The following DLC1 variants were observed in gnomAD, a reference collection of about 807,000 sequenced individuals.
The protein encoded by DLC1 is DLC1 Rho GTPase activating protein.
Under a neutral mutation model 140.3 loss-of-function variants are expected in DLC1, and 54 were observed. The observed-to-expected ratio is 0.38, with a 90% confidence interval of 0.31 to 0.48. DLC1 has a LOEUF of 0.48. Ranked by LOEUF, DLC1 falls within the 20% of genes least tolerant of loss-of-function variation. The pLI, the probability that DLC1 is intolerant of heterozygous loss-of-function variation, is 0.96. For missense variants in DLC1, 2,536 were observed against 1,907.0 expected, an observed-to-expected ratio of 1.33 and a Z score of -6.14; for synonymous variants, 986 against 728.1, an observed-to-expected ratio of 1.35 and a Z score of -5.70.
At chr8:13,192,049 C>A (rs148670926) in intron 5 of DLC1, among the ~76,000 whole-genome samples, 3,246 of 151,864 alleles carry the variant, frequency 0.021, 116 homozygotes, top group African/African-American at 0.075. Context: ...TCCAGAGGTT[C>A]TCCTGCCTCA....
intron 1 of DLC1, among the ~76,000 whole-genome samples, chr8:13,568,892 A>C (rs12546707): frequency 0.068 from 10,361 of 152,274 alleles, 575 homozygotes; most frequent in Admixed American, 0.17. Flanking sequence ...GGAAAAATGT[A>C]AGTAAATAAT....
At chr8:13,601,247 T>G (rs1192998904) in intron 1 of DLC1, among the ~76,000 whole-genome samples, 1 of 151,874 alleles carries the variant, frequency 6.6e-6, no homozygotes, top group East Asian at 1.9e-4. Context: ...TGTGATATTT[T>G]AGTTTCCATA....
intron 5 of DLC1, among the ~76,000 whole-genome samples, chr8:13,158,746 CCG>C (rs199655902): frequency 0.017 from 1,672 of 96,586 alleles, 160 homozygotes; most frequent in African/African-American, 0.075. Flanking sequence ...CCCCCCCCCC[CCG>C]CCCGCCACAC....
chr8:13,420,056 G>C (rs1420362854), intron 2 of DLC1, among the ~76,000 whole-genome samples: 1 of 152,094 alleles, frequency 6.6e-6, no homozygotes, highest in African/African-American at 2.4e-5. Flanking sequence ...GATCGGTGGT[G>C]ATATCCCCTT....
At chr8:13,197,060 A>G (rs1251007897) in intron 5 of DLC1, among the ~76,000 whole-genome samples, 1 of 152,152 alleles carries the variant, frequency 6.6e-6, no homozygotes, top group Non-Finnish European at 1.5e-5. Context: ...GAGAACCTAT[A>G]TTGCTTCCTG....
intron 1 of DLC1, chr8:13,559,036 G>A (rs1453586669): frequency 6.6e-6 from 1 of 152,198 alleles, no homozygotes; most frequent in East Asian, 1.9e-4. Context: ...TAACAACTTT[G>A]GTGCATGAAA....
intron 2 of DLC1, among the ~76,000 whole-genome samples, chr8:13,420,342 G>A (rs1158211067): frequency 6.6e-6 from 1 of 152,034 alleles, no homozygotes; most frequent in Non-Finnish European, 1.5e-5. Context: ...GAGGAAATTG[G>A]TAGAGACTTA....
chr8:13,415,150 C>T (rs747386504), intron 2 of DLC1, among the ~76,000 whole-genome samples: 12 of 151,654 alleles, frequency 7.9e-5, no homozygotes, highest in African/African-American at 1.9e-4. Flanking sequence ...GCAACTAGTG[C>T]CATACAATGT....
intron 2 of DLC1, among the ~76,000 whole-genome samples, chr8:13,419,872 T>G (rs2117339407): frequency 2.0e-5 from 3 of 152,322 alleles, no homozygotes; most frequent in African/African-American, 7.2e-5. Flanking sequence ...AAGCTATTGA[T>G]TATTGCCACA....
intron 2 of DLC1, among the ~76,000 whole-genome samples, chr8:13,440,780 A>G (rs1798471570): frequency 6.6e-6 from 1 of 152,118 alleles, no homozygotes; most frequent in African/African-American, 2.4e-5. Context: ...AGGGTTTATC[A>G]GGGGATTCTG....
At chr8:13,445,606 A>G (rs1165398436) in intron 2 of DLC1, among the ~76,000 whole-genome samples, 3 of 152,206 alleles carry the variant, frequency 2.0e-5, no homozygotes, top group Non-Finnish European at 4.4e-5. Context: ...AGCCACAGTA[A>G]TGAGTGAGGA....
intron 5 of DLC1, among the ~76,000 whole-genome samples, chr8:13,154,198 G>T (rs114344821): frequency 0.011 from 1,707 of 152,338 alleles, 38 homozygotes; most frequent in African/African-American, 0.036. Flanking sequence ...CCGTGCCAGG[G>T]CCGCACCAGG....
chr8:13,418,341 G>A (rs567221070), intron 2 of DLC1, among the ~76,000 whole-genome samples: 7 of 152,250 alleles, frequency 4.6e-5, no homozygotes, highest in Admixed American at 2.0e-4. Flanking sequence ...GGTTTTCATC[G>A]TTTTAGGTCT....
intron 4 of DLC1, among the ~76,000 whole-genome samples, chr8:13,359,183 G>GTGCC (rs1835099665): frequency 6.6e-6 from 1 of 152,098 alleles, no homozygotes; most frequent in Non-Finnish European, 1.5e-5. Flanking sequence ...TCGTGATCCA[G>GTGCC]TGCCTCGGCC....
At chr8:13,595,197 C>T (rs537634933) in intron 1 of DLC1, among the ~76,000 whole-genome samples, 11 of 152,052 alleles carry the variant, frequency 7.2e-5, no homozygotes, top group African/African-American at 2.7e-4. Flanking sequence ...ACTCCTATTC[C>T]CAAATGAAAG....
At chr8:13,361,166 A>G (rs1460927609) in intron 4 of DLC1, among the ~76,000 whole-genome samples, 1 of 152,052 alleles carries the variant, frequency 6.6e-6, no homozygotes, top group Non-Finnish European at 1.5e-5. Flanking sequence ...AGGGAGGTTG[A>G]GGCTGCAGTG....
intron 1 of DLC1, among the ~76,000 whole-genome samples, chr8:13,542,212 G>A (rs62492090): frequency 0.12 from 18,256 of 152,038 alleles, 1,287 homozygotes; most frequent in Non-Finnish European, 0.14. Context: ...ATTTTGGCCT[G>A]TGTTCTATTT....
chr8:13,496,785 C>CTTTTTTTTTTTTTTTTTTTTT lies in DLC1; in HGVS notation c.1023+2263_1023+2264insAAAAAAAAAAAAAAAAAAAAA, dbSNP rs1491502803. Among the ~76,000 whole-genome samples the CTTTTTTTTTTTTTTTTTTTTT allele has an allele frequency of 4.6e-3, 40 of 8,632 alleles. 13 individuals carry two copies. Among genetic ancestry groups the CTTTTTTTTTTTTTTTTTTTTT allele is most frequent in the East Asian group, 0.013 (17 of 1,344 alleles). The allele number at this position is 8,632 out of a possible 152,430, so 5.7% of individuals were successfully genotyped here. On this transcript the variant is annotated intron_variant, in intron 2 of 17. Coordinates refer to ENST00000276297, the MANE Select transcript of DLC1 (RefSeq NM_182643.3). ...TAATTAACAAATTCTTAGACCATTT[C>CTTTTTTTTTTTTTTTTTTTTT]CTTTTTTTTTTTTTTTTTTTTTTTT... is the stretch of plus-strand genomic sequence containing the variant.
At chr8:13,166,226 G>T (rs542755974) in intron 5 of DLC1, among the ~76,000 whole-genome samples, 8 of 152,094 alleles carry the variant, frequency 5.3e-5, no homozygotes, top group Non-Finnish European at 1.2e-4. Context: ...TTTTCTCTCT[G>T]CAGTGTGTCT....
Sources: allele counts gnomAD v4.1 joint callset (sites outside exome capture counted in the v4.1 genomes callset), GRCh38; gene constraint gnomAD v4.1.1; transcripts MANE v1.5; gene names NCBI Gene and HGNC (gene_info 2026-07-23, HGNC 2026-07-21).